The following EYA2 variants were observed in gnomAD, a reference collection of about 807,000 sequenced individuals.
EYA2 encodes the protein protein phosphatase EYA2.
A neutral mutation model predicts 69.2 loss-of-function variants in EYA2; 31 were observed. The ratio of observed to expected loss-of-function variants is 0.45; its 90% CI spans 0.34 to 0.60. The LOEUF is 0.60. Ranked by LOEUF, EYA2 falls within the 20% of genes least tolerant of loss-of-function variation. The pLI is 0.02. For synonymous variants in EYA2, 257 were observed against 279.4 expected, an observed-to-expected ratio of 0.92 and a Z score of 0.80; for missense variants, 622 against 701.2, an observed-to-expected ratio of 0.89 and a Z score of 1.28.
chr20:46,989,090 C>T (rs1981478532), intron 1 of EYA2, among the ~76,000 whole-genome samples: 1 of 152,142 alleles, frequency 6.6e-6, no homozygotes, highest in African/African-American at 2.4e-5. Flanking sequence ...AAGGAGACCT[C>T]ATCCCTACTC....
chr20:47,130,261 C>CTTT (rs74178703), intron 9 of EYA2, among the ~76,000 whole-genome samples: 16 of 81,262 alleles, frequency 2.0e-4, no homozygotes, highest in South Asian at 9.1e-4. Flanking sequence ...GGTTTATTTT[C>CTTT]TTTTTTTTTT....
chr20:46,934,580 G>C (rs1052622752), intron 1 of EYA2, among the ~76,000 whole-genome samples: 35 of 152,210 alleles, frequency 2.3e-4, no homozygotes, highest in African/African-American at 8.2e-4. Flanking sequence ...AAGCGGGAGA[G>C]GCTCTCCAAG....
At chr20:47,099,417 G>T (rs551532085) in intron 9 of EYA2, among the ~76,000 whole-genome samples, 21 of 152,348 alleles carry the variant, frequency 1.4e-4, no homozygotes, top group African/African-American at 5.1e-4. Flanking sequence ...TTTGGTCCCA[G>T]CTACTCAGGA....
At chr20:47,169,057 T>A (rs758283146) in intron 10 of EYA2, 82 bp from the exon 11 acceptor site, 1 of 1,336,924 alleles carries the variant, frequency 7.5e-7, no homozygotes, top group Non-Finnish European at 1.1e-6. Flanking sequence ...GCCCTCAGCT[T>A]ATGAGGCCAA....
chr20:47,143,366 C>T (rs2033636806), intron 10 of EYA2, among the ~76,000 whole-genome samples: 1 of 152,168 alleles, frequency 6.6e-6, no homozygotes, highest in Non-Finnish European at 1.5e-5. Context: ...ATCTCCCTAG[C>T]TTTCCTGTGC....
intron 2 of EYA2, chr20:46,998,544 T>TCCC (rs1257112774): frequency 1.3e-5 from 2 of 152,242 alleles, no homozygotes; most frequent in African/African-American, 2.4e-5. Context: ...TCTTGGGCAG[T>TCCC]CCCTGCCCAC....
chr20:47,172,646 C>A (rs949594662), intron 11 of EYA2, 61 bp from the exon 12 acceptor site: 13 of 1,521,088 alleles, frequency 8.5e-6, no homozygotes, highest in Non-Finnish European at 1.1e-5. Context: ...CTGTGGTCTC[C>A]CAGGGAAGAT....
chr20:46,895,373 C>A (rs907602222), intron 1 of EYA2, among the ~76,000 whole-genome samples: 2 of 152,238 alleles, frequency 1.3e-5, no homozygotes, highest in Non-Finnish European at 2.9e-5. Context: ...GGGGCGCTCC[C>A]CCAGTCCGCA....
chr20:46,927,319 G>A lies in EYA2; in HGVS notation c.-11+32332G>A, dbSNP rs536062844. Among the ~76,000 whole-genome samples, 89 of 152,288 alleles carry A rather than the reference G, an allele frequency of 5.8e-4. 2 individuals carry two copies. Among genetic ancestry groups the A allele is most frequent in the East Asian group, 4.3e-3 (22 of 5,174 alleles). ...GTGGACAGTGTGACATATGAGCCCCGCCGGGATCTCCCGCTGCAGCAGCGA... is the reference window on the plus strand; with the variant it reads ...GTGGACAGTGTGACATATGAGCCCCACCGGGATCTCCCGCTGCAGCAGCGA... On this transcript the variant is annotated intron_variant, in intron 1 of 15. Transcript: ENST00000327619.
intron 5 of EYA2, among the ~76,000 whole-genome samples, chr20:47,038,771 G>T (rs902732655): frequency 6.6e-6 from 1 of 152,052 alleles, no homozygotes; most frequent in Non-Finnish European, 1.5e-5. Context: ...CCCGTTCCCC[G>T]CACGTAGCCC....
At chr20:47,110,521 C>T (rs1005089757) in intron 9 of EYA2, among the ~76,000 whole-genome samples, 15 of 152,168 alleles carry the variant, frequency 9.9e-5, no homozygotes, top group African/African-American at 1.4e-4. Flanking sequence ...CATGTCCGGC[C>T]GCTCCACTGC....
chr20:47,048,094 C>G (rs1326643591), intron 5 of EYA2, among the ~76,000 whole-genome samples: 10 of 152,222 alleles, frequency 6.6e-5, no homozygotes, highest in Non-Finnish European at 1.5e-4. Context: ...GCTGTATAAA[C>G]TAACTCGACT....
chr20:46,952,898 G>A (rs1311576300), intron 1 of EYA2, among the ~76,000 whole-genome samples: 1 of 152,172 alleles, frequency 6.6e-6, no homozygotes, highest in Admixed American at 6.5e-5. Context: ...TTTTGCCCAG[G>A]GAAACTCTCT....
intron 10 of EYA2, among the ~76,000 whole-genome samples, chr20:47,144,153 C>A (rs1285702595): frequency 2.0e-5 from 3 of 152,116 alleles, no homozygotes; most frequent in Non-Finnish European, 4.4e-5. Context: ...GTCAGGAGAT[C>A]GAGACCATCC....
intron 9 of EYA2, among the ~76,000 whole-genome samples, chr20:47,128,096 G>C (rs1220755745): frequency 6.6e-6 from 1 of 152,228 alleles, no homozygotes; most frequent in African/African-American, 2.4e-5. Flanking sequence ...GAAAGGCTGG[G>C]AGCAGAGAGA....
chr20:47,140,548 AAGGGGACAAGGCCCCT>A (rs2033572734), intron 9 of EYA2, among the ~76,000 whole-genome samples: 2 of 152,208 alleles, frequency 1.3e-5, no homozygotes, highest in Admixed American at 6.5e-5. Context: ...TGTATGGAGC[AAGGGGACAAGGCCCCT>A]GTCGCTCCTC....
At chr20:47,003,244 T>C (rs957381701) in intron 3 of EYA2, among the ~76,000 whole-genome samples, 1 of 152,226 alleles carries the variant, frequency 6.6e-6, no homozygotes, top group Non-Finnish European at 1.5e-5. Flanking sequence ...GCCTCTGTTT[T>C]CTTACCTGTA....
Position 47,179,911 on chromosome 20 carries a change from C to T in EYA2, c.1312C>T (p.Arg438Trp), listed in dbSNP as rs771194638. Residue 438 changes from arginine to tryptophan, a missense_variant and splice_region_variant, in exon 13 of 16, where the codon CGG becomes TGG. Arg to Trp is a moderately radical substitution (Grantham distance 101). Transcript: ENST00000327619. The part of the protein sequence containing the change: ...SLKALNLINS[R>W]PNCVNVLVTT... The stretch of plus-strand genomic sequence containing the variant: ...GAAGGCACTAAACCTCATCAACTCC[C>T]GGCAAGTGGCAGCCCTCATTTTCCT... 3.1e-6 allele frequency: 5 copies of T among 1,611,966 alleles called. No individual in the cohort carries two copies. The highest frequency in any genetic ancestry group is 4.2e-6 in the Non-Finnish European group (5 of 1,178,212).
chr20:47,047,368 C>T (rs1460178915), intron 5 of EYA2, among the ~76,000 whole-genome samples: 1 of 151,050 alleles, frequency 6.6e-6, no homozygotes, highest in Admixed American at 6.6e-5. Context: ...GATGAGCAGG[C>T]ACTGCTTTAT....
Sources: gnomAD v4.1 joint callset for allele counts (sites outside exome capture counted in the v4.1 genomes callset) on GRCh38, gnomAD v4.1.1 for gene constraint, MANE v1.5 for transcripts, NCBI Gene and HGNC (gene_info 2026-07-23, HGNC 2026-07-21) for gene names.